HACE1: variants seen among roughly 807,000 people sequenced by gnomAD.
The protein encoded by HACE1 is E3 ubiquitin-protein ligase HACE1.
A neutral mutation model predicts 118.4 loss-of-function variants in HACE1; 73 were observed. That is an observed-to-expected ratio of 0.62 (90% confidence interval 0.51 to 0.75). The LOEUF is 0.75. Among genes scored for constraint, HACE1 ranks in the 30% least tolerant of loss-of-function variants. HACE1 has a pLI of 0.00. For synonymous variants in HACE1, 368 were observed against 374.8 expected (o/e 0.98, Z 0.21); for missense variants, 749 against 1,102.2 (o/e 0.68, Z 4.54).
intron 1 of HACE1, among the ~76,000 whole-genome samples, chr6:104,854,873 T>C (rs1350532060): frequency 2.0e-5 from 3 of 152,186 alleles, no homozygotes; most frequent in Admixed American, 2.0e-4. Flanking sequence ...TGAAAAACAA[T>C]TTAGTCCTTG....
At chr6:104,852,479 AG>A (rs1418510885) in intron 1 of HACE1, 108 bp from the exon 2 acceptor site, 2 of 690,162 alleles carry the variant, frequency 2.9e-6, no homozygotes, top group Non-Finnish European at 5.2e-6. Context: ...CGAAAAGGAG[AG>A]GAAGAAGGAG....
At chr6:104,736,243 T>C (rs781663123) in intron 22 of HACE1, among the ~76,000 whole-genome samples, 1 of 151,696 alleles carries the variant, frequency 6.6e-6, no homozygotes, top group Non-Finnish European at 1.5e-5. Context: ...TTTTAGTCTA[T>C]AACCTGTTAA....
intron 4 of HACE1, among the ~76,000 whole-genome samples, chr6:104,846,933 A>G (rs1044680359): frequency 1.3e-5 from 2 of 152,244 alleles, no homozygotes; most frequent in Non-Finnish European, 2.9e-5. Flanking sequence ...CAAATTAAAG[A>G]GAGGGTCATG....
intron 10 of HACE1, among the ~76,000 whole-genome samples, chr6:104,793,065 G>A (rs1322161239): frequency 6.6e-6 from 1 of 151,326 alleles, no homozygotes; most frequent in South Asian, 2.1e-4. Context: ...TCAGGAGATC[G>A]AGACCATCCT....
At chr6:104,811,590 CAT>C (rs1491268260) in intron 6 of HACE1, among the ~76,000 whole-genome samples, 197 bp from the exon 7 acceptor site, 2 of 152,010 alleles carry the variant, frequency 1.3e-5, no homozygotes, top group African/African-American at 4.8e-5. Context: ...GCACAACACA[CAT>C]ATATGTGGAA....
rs1464387716 is a variant in HACE1, at chr6:104,859,605, C to T, written c.38G>A (p.Arg13His). The T allele has an allele frequency of 1.3e-6, 2 of 1,529,414 alleles. No homozygotes were observed. The highest frequency in any genetic ancestry group is 2.5e-5 in the East Asian group (1 of 39,554). The allele number at this position is 1,529,414 out of a possible 1,614,324, so 94.7% of individuals were successfully genotyped here. ...CACGGTGCGCGCGCGGCGCAGCGAG[C>T]GCGTCAGGCGGTTGAGTTGCTCCAT... ...RAMEQLNRLT[R>H]SLRRARTVEL... The change falls in exon 1 of 24, where the codon CGC becomes CAC. Residue 13 changes from arginine (R) to histidine (H), a missense_variant. Arg to His is a conservative substitution (Grantham distance 29). Coordinates refer to ENST00000262903, the MANE Select transcript of HACE1 (RefSeq NM_020771.4).
intron 6 of HACE1, among the ~76,000 whole-genome samples, chr6:104,832,271 A>C (rs1774072796): frequency 6.6e-6 from 1 of 152,250 alleles, no homozygotes; most frequent in East Asian, 1.9e-4. Context: ...TGAATATACT[A>C]CATTTAAAAA....
At chr6:104,809,005 A>G (rs1290910698) in intron 7 of HACE1, among the ~76,000 whole-genome samples, 1 of 152,210 alleles carries the variant, frequency 6.6e-6, no homozygotes, top group Non-Finnish European at 1.5e-5. Flanking sequence ...CTTCTGCCAT[A>G]TCCCTAAGCT....
intron 14 of HACE1, among the ~76,000 whole-genome samples, chr6:104,777,760 AGTT>A (rs919937235): frequency 6.6e-6 from 1 of 151,980 alleles, no homozygotes; most frequent in African/African-American, 2.4e-5. Flanking sequence ...TTATTGTTGT[AGTT>A]GTTGTTGTCA....
intron 11 of HACE1, chr6:104,787,444 T>G (rs909522396): frequency 6.6e-6 from 1 of 152,184 alleles, no homozygotes. Flanking sequence ...CTATAGTTTC[T>G]CTTTATGAGC....
chr6:104,730,686 T>C (rs1775107490), intron 22 of HACE1: 3 of 405,896 alleles, frequency 7.4e-6, no homozygotes, highest in South Asian at 2.4e-5. Flanking sequence ...TTTAGTATGC[T>C]ACATTTACAA....
intron 4 of HACE1, among the ~76,000 whole-genome samples, 162 bp from the exon 5 acceptor site, chr6:104,843,460 T>C (rs1341625744): frequency 6.6e-6 from 1 of 152,174 alleles, no homozygotes; most frequent in African/African-American, 2.4e-5. Flanking sequence ...CAAACACTAC[T>C]TGACGCAAGA....
At chr6:104,850,773 C>A (rs556623430) in intron 3 of HACE1, 134 bp downstream of exon 3, 12 of 762,402 alleles carry the variant, frequency 1.6e-5, no homozygotes, top group South Asian at 1.5e-4. Context: ...GCACACCACG[C>A]GCTCAAACAG....
At chr6:104,754,325 A>G (rs1778381826) in intron 19 of HACE1, among the ~76,000 whole-genome samples, 2 of 152,244 alleles carry the variant, frequency 1.3e-5, no homozygotes, top group Non-Finnish European at 1.5e-5. Context: ...GTTGGAAAAC[A>G]TACTTCAGGA....
In HACE1 at chr6:104,771,231, G is replaced by A. The variant is rs780343474; in HGVS notation, c.2173C>T (p.Pro725Ser). The A allele has an allele frequency of 6.2e-7, 1 of 1,613,546 alleles. No individual in the cohort carries two copies. The highest frequency in any genetic ancestry group is 1.1e-5 in the South Asian group (1 of 91,080). The change falls in exon 19 of 24, where the codon CCT becomes TCT. Residue 725 changes from proline to serine, a missense_variant. Physicochemically the swap from Pro to Ser is moderately conservative, Grantham distance 74. Around this residue, in one of 5 missense-constraint regions of HACE1, gnomAD observed 165 missense variants for 229.9 expected, o/e 0.72. Coordinates refer to ENST00000262903, the MANE Select transcript of HACE1 (RefSeq NM_020771.4). ...GTCACAAGAATACTCCCACCCCCAG[G>A]TTTCAAAGGCACCTCTTCCATTGCT... ...FGAMEEVPLK[P>S]GGGSILVTQN...
At chr6:104,831,977 AGAGAG>A (rs1773987761) in intron 6 of HACE1, among the ~76,000 whole-genome samples, 1 of 48,312 alleles carries the variant, frequency 2.1e-5, no homozygotes, top group South Asian at 6.3e-4. Flanking sequence ...AGAGAAGAGA[AGAGAG>A]GAAGGAAGGA....
chr6:104,838,320 A>G lies in HACE1; in HGVS notation c.402+4903T>C, dbSNP rs1582720518. Among the ~76,000 whole-genome samples the G allele has an allele frequency of 2.0e-5, 3 of 152,312 alleles. No individual in the cohort carries two copies. In the South Asian group the frequency reaches 6.2e-4, roughly 32 times the overall value. On this transcript the variant is annotated intron_variant, in intron 5 of 23. Transcript: ENST00000262903. ...TGACTTCAAATCATACTACAGAGCT[A>G]TAGTAACCAAAACAGCATGTTACTG...
At chr6:104,816,019 G>A (rs1174137649) in intron 6 of HACE1, among the ~76,000 whole-genome samples, 9 of 151,414 alleles carry the variant, frequency 5.9e-5, no homozygotes, top group Non-Finnish European at 1.3e-4. Context: ...ATTGCAGTGA[G>A]CCGAGATCAC....
chr6:104,737,282 C>CAAAAAA (rs59915070), intron 22 of HACE1, among the ~76,000 whole-genome samples: 38 of 42,708 alleles, frequency 8.9e-4, no homozygotes, highest in African/African-American at 2.8e-3. Context: ...GACTCTCTCT[C>CAAAAAA]AAAAAAAAAA....
Sources: allele counts gnomAD v4.1 joint callset (sites outside exome capture counted in the v4.1 genomes callset), GRCh38; gene constraint gnomAD v4.1.1; regional missense constraint gnomAD v4.1.1; transcripts MANE v1.5; gene names NCBI Gene and HGNC (gene_info 2026-07-23, HGNC 2026-07-21).